The following B4GALT6 variants were observed in gnomAD, a reference collection of about 807,000 sequenced individuals.
B4GALT6 encodes the protein UDP-Gal:beta-GlcNAc beta-1,4-galactosyltransferase 6.
In B4GALT6, 14 loss-of-function variants were observed where a neutral mutation model predicts 46.3. That is an observed-to-expected ratio of 0.30 (90% confidence interval 0.20 to 0.47). B4GALT6 has a LOEUF of 0.47. Ranked by LOEUF, B4GALT6 falls within the 20% of genes least tolerant of loss-of-function variation. B4GALT6 has a pLI of 0.99. For synonymous variants in B4GALT6, 168 were observed against 162.0 expected, an observed-to-expected ratio of 1.04 and a Z score of -0.28; for missense variants, 386 against 480.1, an observed-to-expected ratio of 0.80 and a Z score of 1.83.
chr18:31,642,737 G>A (rs1045275152), intron 4 of B4GALT6, among the ~76,000 whole-genome samples: 12 of 152,310 alleles, frequency 7.9e-5, no homozygotes, highest in Non-Finnish European at 1.3e-4. Flanking sequence ...AGTCTGGAGC[G>A]CAGTGGGCGC....
chr18:31,717,656 T>TA, the B4GALT6 span, among the ~76,000 whole-genome samples: 37 of 152,158 alleles, frequency 2.4e-4, no homozygotes, highest in South Asian at 5.2e-3. Flanking sequence ...ACCATTTTTG[T>TA]AAAAAAATAT....
chr18:31,667,594 C>T (rs1273800249), intron 1 of B4GALT6, among the ~76,000 whole-genome samples: 1 of 152,112 alleles, frequency 6.6e-6, no homozygotes, highest in African/African-American at 2.4e-5. Flanking sequence ...ATAAATTAAA[C>T]TACTAGAAAA....
chr18:31,691,296 T>C, the B4GALT6 span, among the ~76,000 whole-genome samples: 20 of 1,722 alleles, frequency 0.012, no homozygotes, highest in African/African-American at 0.022. Context: ...ATTTTACATA[T>C]ATATATATAT....
chr18:31,697,692 C>T, the B4GALT6 span, among the ~76,000 whole-genome samples: 3 of 152,154 alleles, frequency 2.0e-5, no homozygotes, highest in African/African-American at 7.2e-5. Context: ...CTAAAAATAT[C>T]ACATGGATGA....
the B4GALT6 span, among the ~76,000 whole-genome samples, chr18:31,717,384 G>C: frequency 6.6e-6 from 1 of 152,136 alleles, no homozygotes; most frequent in Non-Finnish European, 1.5e-5. Context: ...CACAAGGGGA[G>C]TTTCTGGGTG....
intron 3 of B4GALT6, among the ~76,000 whole-genome samples, chr18:31,652,194 C>G (rs938376832): frequency 1.3e-4 from 20 of 152,154 alleles, no homozygotes; most frequent in African/African-American, 4.8e-4. Flanking sequence ...CCTTTGCCAC[C>G]AAACTTCTCT....
intron 2 of B4GALT6, among the ~76,000 whole-genome samples, chr18:31,663,949 G>A (rs1353246789): frequency 2.0e-5 from 3 of 152,176 alleles, no homozygotes; most frequent in South Asian, 2.1e-4. Context: ...TTTCCCCGTA[G>A]GTAACAGAAT....
At chr18:31,718,881 A>G in the B4GALT6 span, 1 of 152,092 alleles carries the variant, frequency 6.6e-6, no homozygotes, top group Non-Finnish European at 1.5e-5. Context: ...AGATAGATAA[A>G]AGTTTTTTGG....
At chr18:31,699,569 C>G in the B4GALT6 span, among the ~76,000 whole-genome samples, 2 of 150,912 alleles carry the variant, frequency 1.3e-5, no homozygotes, top group Non-Finnish European at 2.9e-5. Context: ...CCACCACGCC[C>G]GGCCTAGACA....
At chr18:31,631,200 CT>C (rs10657836) in intron 5 of B4GALT6, 54 bp from the exon 6 acceptor site, 43,983 of 1,128,538 alleles carry the variant, frequency 0.039, 1 homozygote, top group East Asian at 0.059. Flanking sequence ...ACTTCATCAT[CT>C]TTTTTTTTTT....
intron 7 of B4GALT6, 125 bp downstream of exon 7, chr18:31,626,874 G>C (rs2073705766): frequency 2.6e-6 from 2 of 765,710 alleles, no homozygotes; most frequent in Admixed American, 6.3e-5. Context: ...ATAAAACAGG[G>C]TTTAGAAACC....
At chr18:31,662,033 A>G (rs2074223664) in intron 2 of B4GALT6, among the ~76,000 whole-genome samples, 2 of 152,180 alleles carry the variant, frequency 1.3e-5, no homozygotes, top group African/African-American at 4.8e-5. Context: ...TTTCTGCAAA[A>G]CAAACTATTA....
Position 31,625,676 on chromosome 18 carries a change from T to C in B4GALT6, c.1087A>G (p.Arg363Gly), listed in dbSNP as rs1291436692. Residue 363 changes from arginine (R) to glycine (G), a missense_variant, in exon 9 of 9, where the codon AGG becomes GGG. By Grantham distance (125) the Arg-to-Gly change is moderately radical. Around this residue, in one of 2 missense-constraint regions of B4GALT6, gnomAD observed 323 missense variants for 438.9 expected, o/e 0.74. Transcript: ENST00000306851. ...LIYRPKILVD[R>G]LYTNISVNLM... ...TTTACAGATATGTTTGTATACAACC[T>C]ATCAACCAGTATTTTTGGCCTATAT... 9.3e-6 allele frequency: 15 copies of C among 1,613,532 alleles called. No homozygotes were observed. Among genetic ancestry groups the C allele is most frequent in the Non-Finnish European group, 1.3e-5 (15 of 1,179,786 alleles).
chr18:31,666,322 T>C lies in B4GALT6; in HGVS notation c.166A>G (p.Asn56Asp). 1 of 1,610,768 alleles carries C rather than the reference T, an allele frequency of 6.2e-7. No homozygotes were observed. The highest frequency in any genetic ancestry group is 8.5e-7 in the Non-Finnish European group (1 of 1,178,272). ...ATCATATGACCTATTGTTTTCACATTTTCTCTCAACATTATACCTCGAGCT... is the reference window on the plus strand; with the variant it reads ...ATCATATGACCTATTGTTTTCACATCTTCTCTCAACATTATACCTCGAGCT... The part of the protein sequence containing the change: ...VQARGIMLRE[N>D]VKTIGHMIRL... Residue 56 changes from asparagine to aspartate, a missense_variant, in exon 2 of 9, where the codon AAT (asparagine) becomes GAT (aspartate). Transcript: ENST00000306851.
At chr18:31,724,258 T>C in the B4GALT6 span, 2 of 373,864 alleles carry the variant, frequency 5.3e-6, no homozygotes, top group Non-Finnish European at 9.6e-6. Flanking sequence ...GCGCCAGCGC[T>C]TGTCTTGTCC....
intron 2 of B4GALT6, among the ~76,000 whole-genome samples, chr18:31,659,786 A>T (rs905628547): frequency 3.3e-5 from 5 of 152,080 alleles, no homozygotes; most frequent in Non-Finnish European, 5.9e-5. Flanking sequence ...AGGGGAGGAG[A>T]AATTCAGTGA....
rs559471959 is a variant in B4GALT6 at position 31,630,128 on chromosome 18, G to A, written c.776+831C>T. Among the ~76,000 whole-genome samples the A allele has an allele frequency of 6.8e-3, 1,030 of 150,720 alleles. 11 individuals are homozygous for A. The highest frequency in any genetic ancestry group is 0.017 in the South Asian group (82 of 4,700). ...GAGCGGGAGTGGGGAGGAGGAGTGGGGAGGAGGAAGAGGAAGAAGAAGAAA... is the reference window on the plus strand; with the variant it reads ...GAGCGGGAGTGGGGAGGAGGAGTGGAGAGGAGGAAGAGGAAGAAGAAGAAA... On this transcript the variant is annotated intron_variant, in intron 6 of 8. Coordinates refer to ENST00000306851, the MANE Select transcript of B4GALT6 (RefSeq NM_004775.5).
chr18:31,709,565 G>A, the B4GALT6 span, among the ~76,000 whole-genome samples: 34 of 122,972 alleles, frequency 2.8e-4, 1 homozygote, highest in African/African-American at 8.5e-4. Flanking sequence ...GTGTGTGTGT[G>A]TGTGTGTGTG....
chr18:31,706,772 G>A, the B4GALT6 span, among the ~76,000 whole-genome samples: 2 of 152,108 alleles, frequency 1.3e-5, no homozygotes, highest in South Asian at 4.1e-4. Flanking sequence ...TTTTGTTTAA[G>A]ATCCCCAGCT....
Sources: gnomAD v4.1 joint callset for allele counts (sites outside exome capture counted in the v4.1 genomes callset) on GRCh38, gnomAD v4.1.1 for gene constraint, gnomAD v4.1.1 regional missense constraint, MANE v1.5 for transcripts, NCBI Gene and HGNC (gene_info 2026-07-23, HGNC 2026-07-21) for gene names.